MBNL2: variants seen among roughly 807,000 people sequenced by gnomAD.
The protein encoded by MBNL2 is muscleblind-like protein 2.
A neutral mutation model predicts 41.9 loss-of-function variants in MBNL2; 17 were observed. The ratio of observed to expected loss-of-function variants is 0.41; its 90% CI spans 0.28 to 0.61. The LOEUF (loss-of-function observed/expected upper bound fraction) is 0.61, where lower values mean the gene tolerates loss of function less well. Ranked by LOEUF, MBNL2 falls within the 20% of genes least tolerant of loss-of-function variation. The pLI, the probability that MBNL2 is intolerant of heterozygous loss-of-function variation, is 0.35. For missense variants in MBNL2, 336 were observed against 505.6 expected (o/e 0.66, Z 3.22); for synonymous variants, 195 against 182.9 (o/e 1.07, Z -0.53).
chr13:97,166,315 C>A, the MBNL2 span, among the ~76,000 whole-genome samples: 13 of 152,220 alleles, frequency 8.5e-5, no homozygotes, highest in African/African-American at 2.9e-4. Context: ...GTAGTGGATC[C>A]CCTTTATCTT....
rs200692794 is a variant in MBNL2 at position 97,319,634 on chromosome 13, CT to C, written c.175-14640del. The stretch of plus-strand genomic sequence containing the variant: ...GGCCACATTCACCCATTTTCTTTGA[CT>C]TCCATCCTGCTAGACTGAATGATTT... On this transcript the variant is annotated intron_variant, in intron 2 of 8. Transcript: ENST00000679496. 2.3e-3 allele frequency among the ~76,000 whole-genome samples: 344 copies of C among 152,304 alleles called. 3 individuals carry two copies. The highest frequency in any genetic ancestry group is 8.0e-3 in the African/African-American group (334 of 41,556).
intron 1 of MBNL2, among the ~76,000 whole-genome samples, chr13:97,252,849 A>T (rs1391297292): frequency 6.6e-6 from 1 of 152,180 alleles, no homozygotes. Flanking sequence ...CTTTTCCAGT[A>T]GCTATGCCAT....
chr13:97,354,134 C>T (rs9516916), intron 5 of MBNL2, among the ~76,000 whole-genome samples: 15,718 of 142,480 alleles, frequency 0.11, 875 homozygotes, highest in East Asian at 0.17. Flanking sequence ...AGCAAAGCCT[C>T]AGAATGTTGG....
the MBNL2 span, among the ~76,000 whole-genome samples, chr13:97,190,385 G>C: frequency 6.6e-6 from 1 of 152,224 alleles, no homozygotes. Context: ...TATAACAATA[G>C]AGGAAGAAAG....
intron 3 of MBNL2, among the ~76,000 whole-genome samples, chr13:97,339,996 T>G (rs2061322456): frequency 6.6e-6 from 1 of 152,230 alleles, no homozygotes. Context: ...GCCTTGACTT[T>G]GCCTTGCAGC....
At chr13:97,293,947 C>A (rs951619386) in intron 2 of MBNL2, among the ~76,000 whole-genome samples, 1 of 151,978 alleles carries the variant, frequency 6.6e-6, no homozygotes, top group Non-Finnish European at 1.5e-5. Flanking sequence ...GTATCCCTTA[C>A]CCCTTCCCAT....
intron 2 of MBNL2, among the ~76,000 whole-genome samples, chr13:97,288,483 G>T (rs2055118624): frequency 6.6e-6 from 1 of 152,144 alleles, no homozygotes; most frequent in Admixed American, 6.5e-5. Flanking sequence ...ACCTAGAATG[G>T]CTTTGTTTCA....
At chr13:97,293,589 C>A (rs1290213994) in intron 2 of MBNL2, among the ~76,000 whole-genome samples, 1 of 151,978 alleles carries the variant, frequency 6.6e-6, no homozygotes, top group East Asian at 1.9e-4. Flanking sequence ...TTATTTTTGT[C>A]CCCTTGACCT....
chr13:97,243,947 C>T (rs1269339154), intron 1 of MBNL2, among the ~76,000 whole-genome samples: 4 of 151,990 alleles, frequency 2.6e-5, no homozygotes, highest in Admixed American at 2.6e-4. Context: ...TCTACATGTT[C>T]TCCCTACACT....
chr13:97,319,683 A>G (rs1189893505), intron 2 of MBNL2, among the ~76,000 whole-genome samples: 1 of 152,216 alleles, frequency 6.6e-6, no homozygotes, highest in Non-Finnish European at 1.5e-5. Context: ...ATGCAATTTT[A>G]ATATCAAGGA....
chr13:97,368,944 A>G (rs1199156903), intron 8 of MBNL2, among the ~76,000 whole-genome samples: 1 of 152,216 alleles, frequency 6.6e-6, no homozygotes, highest in Non-Finnish European at 1.5e-5. Flanking sequence ...AGAATCCTAT[A>G]TTCAGTGTTT....
At chr13:97,354,674 A>T (rs897504888) in intron 5 of MBNL2, among the ~76,000 whole-genome samples, 1 of 152,240 alleles carries the variant, frequency 6.6e-6, no homozygotes, top group East Asian at 1.9e-4. Flanking sequence ...TCCTAAAGGG[A>T]AATATTTATT....
At position 97,267,934 on chromosome 13, in the gene MBNL2, C is replaced by T. The variant is rs55934330; in HGVS notation, c.-604-7698C>T. On this transcript the variant is annotated intron_variant, in intron 1 of 8. Coordinates refer to ENST00000679496, the MANE Select transcript of MBNL2 (RefSeq NM_001382683.1). ...GCACACAGAAGGCAAGGAATGCTTC[C>T]GACAGGGGTTTTCAAGCTTGAGCCT... Among the ~76,000 whole-genome samples the T allele has an allele frequency of 6.9e-3, 1,056 of 152,266 alleles. 9 individuals are homozygous for T. The highest frequency in any genetic ancestry group is 0.024 in the African/African-American group (1,012 of 41,550).
the MBNL2 span, among the ~76,000 whole-genome samples, chr13:97,148,191 G>A: frequency 1.1e-4 from 17 of 152,256 alleles, no homozygotes; most frequent in South Asian, 3.3e-3. Context: ...CCTCTGGGAA[G>A]GAAATTTCAA....
chr13:97,190,937 T>C, the MBNL2 span, among the ~76,000 whole-genome samples: 27 of 152,270 alleles, frequency 1.8e-4, no homozygotes, highest in Middle Eastern at 6.8e-3. Context: ...GTTGCTTTTA[T>C]TCCAGATAAT....
the MBNL2 span, among the ~76,000 whole-genome samples, chr13:97,185,870 G>A: frequency 6.6e-6 from 1 of 152,144 alleles, no homozygotes; most frequent in African/African-American, 2.4e-5. Context: ...GGCTCTAGGC[G>A]CTCCATAAAA....
intron 2 of MBNL2, among the ~76,000 whole-genome samples, chr13:97,284,257 C>T (rs922417117): frequency 2.6e-5 from 4 of 152,086 alleles, no homozygotes; most frequent in African/African-American, 9.7e-5. Flanking sequence ...CCTTTAAGGG[C>T]CACGCTCCCT....
chr13:97,322,799 A>G (rs1180549755), intron 2 of MBNL2, among the ~76,000 whole-genome samples: 5 of 152,134 alleles, frequency 3.3e-5, no homozygotes, highest in African/African-American at 7.2e-5. Flanking sequence ...CGACACCAGC[A>G]ACCAAGGCAC....
chr13:97,189,899 C>A, the MBNL2 span, among the ~76,000 whole-genome samples: 1 of 152,240 alleles, frequency 6.6e-6, no homozygotes, highest in African/African-American at 2.4e-5. Flanking sequence ...GGTGACTCTG[C>A]GTGGGCCACC....
Sources: gnomAD v4.1 joint callset for allele counts (sites outside exome capture counted in the v4.1 genomes callset) on GRCh38, gnomAD v4.1.1 for gene constraint, MANE v1.5 for transcripts, NCBI Gene and HGNC (gene_info 2026-07-23, HGNC 2026-07-21) for gene names.